Variants in SUCLG2 observed in about 807,000 individuals in gnomAD.
The protein encoded by SUCLG2 is succinate--CoA ligase [GDP-forming] subunit beta, mitochondrial.
SUCLG2 carries 42 observed loss-of-function variants against 47.9 expected under a neutral mutation model. That is an observed-to-expected ratio of 0.88 (90% CI 0.69 to 1.14). SUCLG2 has a LOEUF of 1.14. Ranked by LOEUF, SUCLG2 falls within the 50% of genes most tolerant of loss-of-function variation. The pLI is 0.00. For synonymous variants in SUCLG2, 195 were observed against 197.3 expected (o/e 0.99, Z 0.10); for missense variants, 571 against 525.9 (o/e 1.09, Z -0.84).
At chr3:67,570,390 G>C (rs1340635532) in intron 2 of SUCLG2, among the ~76,000 whole-genome samples, 3 of 152,208 alleles carry the variant, frequency 2.0e-5, no homozygotes, top group African/African-American at 7.2e-5. Flanking sequence ...CTGTGTAGTA[G>C]AAAATCTGGC....
rs1297103811 is a variant in SUCLG2, at chr3:67,360,692, A to G, written c.1260T>C (p.Gly420=). 24 of 1,530,132 alleles carry G rather than the reference A, an allele frequency of 1.6e-5. No individual in the cohort carries two copies. Among genetic ancestry groups the G allele is most frequent in the Non-Finnish European group, 1.7e-5 (20 of 1,143,248 alleles). The allele number at this position is 1,530,132 out of a possible 1,614,324, so 94.8% of individuals were successfully genotyped here. A position where few individuals can be genotyped will look rare whatever the true frequency, so the allele number is the denominator to read the frequency against. Residue 420 remains glycine, a synonymous_variant, in exon 11 of 11, where the codon GGT becomes GGC. Transcript: ENST00000493112. ...TTTGGTGGGCGACGTTCTCTTGGAT[A>G]CCAGTTATATTCTCATTTGAATTTC...
intron 9 of SUCLG2, among the ~76,000 whole-genome samples, chr3:67,490,034 C>T (rs759799630): frequency 4.6e-5 from 7 of 152,134 alleles, no homozygotes; most frequent in African/African-American, 1.4e-4. Flanking sequence ...GCTTTACTTT[C>T]GTGTTTGCCC....
intron 6 of SUCLG2, 64 bp from the exon 7 acceptor site, chr3:67,508,967 T>A: frequency 7.9e-7 from 1 of 1,264,900 alleles, no homozygotes; most frequent in Non-Finnish European, 1.1e-6. Context: ...TTTTGCTGGA[T>A]TAATGAAACC....
intron 2 of SUCLG2, among the ~76,000 whole-genome samples, chr3:67,567,929 T>C (rs183691236): frequency 1.4e-4 from 21 of 152,326 alleles, no homozygotes; most frequent in African/African-American, 4.3e-4. Context: ...GGAGAAAAGA[T>C]GATGATGACA....
intron 2 of SUCLG2, among the ~76,000 whole-genome samples, chr3:67,595,071 C>A (rs550515352): frequency 7.9e-5 from 12 of 152,216 alleles, no homozygotes; most frequent in African/African-American, 2.9e-4. Flanking sequence ...AATTACAAGC[C>A]TTTAGTGACA....
At chr3:67,467,799 G>GA (rs544644509) in intron 9 of SUCLG2, among the ~76,000 whole-genome samples, 16 of 148,018 alleles carry the variant, frequency 1.1e-4, no homozygotes, top group South Asian at 6.4e-4. Flanking sequence ...TCACAGGCAG[G>GA]AAAAAAAAAA....
intron 10 of SUCLG2, among the ~76,000 whole-genome samples, chr3:67,381,208 TA>T (rs1210825527): frequency 2.7e-5 from 4 of 147,984 alleles, no homozygotes; most frequent in East Asian, 2.0e-4. Flanking sequence ...ATAAATAAAA[TA>T]AAATAAAATA....
At chr3:67,372,157 G>T (rs1356237314), downstream of SUCLG2, among the ~76,000 whole-genome samples, 1 of 152,134 alleles carries the variant, frequency 6.6e-6, no homozygotes, top group African/African-American at 2.4e-5. Context: ...CACATGTGAT[G>T]GATGACTATA....
intron 10 of SUCLG2, among the ~76,000 whole-genome samples, chr3:67,391,842 G>A (rs559702199): frequency 6.6e-6 from 1 of 152,092 alleles, no homozygotes; most frequent in Non-Finnish European, 1.5e-5. Context: ...TCCGCTGCTC[G>A]TTTCCAACGT....
chr3:67,611,548 TA>T (rs1700527437), intron 1 of SUCLG2, among the ~76,000 whole-genome samples: 1 of 152,166 alleles, frequency 6.6e-6, no homozygotes, highest in Admixed American at 6.5e-5. Context: ...AAGAAAACAT[TA>T]AACATTAGCT....
At chr3:67,416,892 T>C (rs1703050209) in intron 9 of SUCLG2, among the ~76,000 whole-genome samples, 1 of 152,142 alleles carries the variant, frequency 6.6e-6, no homozygotes, top group Admixed American at 6.5e-5. Context: ...GAACTACAAC[T>C]GAGACAGGTA....
At chr3:67,521,617 A>AAAAAGACAGAGTCTCACTCTGT (rs1706107002) in intron 4 of SUCLG2, among the ~76,000 whole-genome samples, 1 of 147,048 alleles carries the variant, frequency 6.8e-6, no homozygotes, top group African/African-American at 2.5e-5. Flanking sequence ...TTTTTTTTTA[A>AAAAAGACAGAGTCTCACTCTGT]AAAAAGACAG....
At chr3:67,412,360 G>T (rs766129555) in intron 9 of SUCLG2, among the ~76,000 whole-genome samples, 1 of 152,144 alleles carries the variant, frequency 6.6e-6, no homozygotes, top group Non-Finnish European at 1.5e-5. Flanking sequence ...TTTTGCAAAA[G>T]GATTCCAGAA....
intron 1 of SUCLG2, among the ~76,000 whole-genome samples, chr3:67,620,808 G>A (rs1053377762): frequency 2.0e-5 from 3 of 152,072 alleles, no homozygotes; most frequent in Non-Finnish European, 4.4e-5. Flanking sequence ...GGGTTGGCAC[G>A]TGCACGAACA....
rs1705328724 is a variant in SUCLG2, at chr3:67,495,949, T to C, written c.920-9A>G. On this transcript the variant is annotated splice_polypyrimidine_tract_variant and intron_variant, in intron 8 of 10. Transcript: ENST00000307227. Reference sequence around the variant, plus strand: ...GAGCCCAGCACCATTCACTGTGAAATGCAAATGGGACACAAGACAGGCTAC... The same window carrying C: ...GAGCCCAGCACCATTCACTGTGAAACGCAAATGGGACACAAGACAGGCTAC... 5.6e-6 allele frequency: 9 copies of C among 1,613,790 alleles called. No homozygotes were observed. Among genetic ancestry groups the C allele is most frequent in the Middle Eastern group, 1.7e-4 (1 of 6,054 alleles).
chr3:67,595,925 G>A (rs1341382096), intron 2 of SUCLG2, among the ~76,000 whole-genome samples: 1 of 152,210 alleles, frequency 6.6e-6, no homozygotes, highest in Non-Finnish European at 1.5e-5. Context: ...GAAAAGAATT[G>A]CATAAAGGTA....
At chr3:67,490,253 A>AG (rs1705172615) in intron 9 of SUCLG2, among the ~76,000 whole-genome samples, 1 of 152,208 alleles carries the variant, frequency 6.6e-6, no homozygotes, top group African/African-American at 2.4e-5. Context: ...AATAAACTCT[A>AG]AATGTGCAAT....
intron 2 of SUCLG2, among the ~76,000 whole-genome samples, chr3:67,598,619 T>C (rs1708347379): frequency 1.3e-5 from 2 of 152,208 alleles, no homozygotes; most frequent in South Asian, 2.1e-4. Context: ...CTCACAACTA[T>C]GTTGTAAGGA....
chr3:67,498,048 T>G, intron 8 of SUCLG2, 86 bp downstream of exon 8: 1 of 1,384,522 alleles, frequency 7.2e-7, no homozygotes, highest in Non-Finnish European at 9.8e-7. Context: ...GCTTACTTCT[T>G]CTTGGTAAGT....
Sources: allele counts gnomAD v4.1 joint callset (sites outside exome capture counted in the v4.1 genomes callset), GRCh38; gene constraint gnomAD v4.1.1; transcripts MANE v1.5; gene names NCBI Gene and HGNC (gene_info 2026-07-23, HGNC 2026-07-21).